The following ATP6V1D variants were observed in gnomAD, a reference collection of about 807,000 sequenced individuals.
The protein encoded by ATP6V1D is ATPase H+ transporting V1 subunit D, also known as V-type proton ATPase subunit D.
A neutral mutation model predicts 39.4 loss-of-function variants in ATP6V1D; 20 were observed. That is an observed-to-expected ratio of 0.51 (90% CI 0.36 to 0.74). The LOEUF is 0.74. Ranked by LOEUF, ATP6V1D falls within the 30% of genes least tolerant of loss-of-function variation. ATP6V1D has a pLI of 0.00. For synonymous variants in ATP6V1D, 100 were observed against 100.5 expected (o/e 0.99, Z 0.03); for missense variants, 228 against 291.6 (o/e 0.78, Z 1.59).
chr14:67,355,615 C>G (rs1173341206), intron 1 of ATP6V1D, among the ~76,000 whole-genome samples: 1 of 152,028 alleles, frequency 6.6e-6, no homozygotes. Context: ...GAGACTAGAA[C>G]AGCCAAAGGA....
At chr14:67,355,758 T>A (rs1013344791) in intron 1 of ATP6V1D, among the ~76,000 whole-genome samples, 1 of 151,658 alleles carries the variant, frequency 6.6e-6, no homozygotes, top group Non-Finnish European at 1.5e-5. Flanking sequence ...ATCAGCACTT[T>A]GGGAGGCTAA....
At chr14:67,352,473 T>C (rs1409108005) in intron 2 of ATP6V1D, among the ~76,000 whole-genome samples, 2 of 149,874 alleles carry the variant, frequency 1.3e-5, no homozygotes, top group Non-Finnish European at 3.0e-5. Context: ...TGTCATACCA[T>C]GCGGTAGTAC....
chr14:67,346,607 G>A (rs1294256161), intron 5 of ATP6V1D, among the ~76,000 whole-genome samples: 1 of 152,170 alleles, frequency 6.6e-6, no homozygotes, highest in Non-Finnish European at 1.5e-5. Flanking sequence ...GAGCCACTGT[G>A]CCTGGCCAAG....
chr14:67,356,883 G>C (rs1341898118), intron 1 of ATP6V1D, among the ~76,000 whole-genome samples: 4 of 152,178 alleles, frequency 2.6e-5, no homozygotes, highest in African/African-American at 9.7e-5. Context: ...GTAAATACTA[G>C]AACTTGGGCT....
chr14:67,351,026 C>A (rs192869397), intron 2 of ATP6V1D, among the ~76,000 whole-genome samples: 2 of 152,136 alleles, frequency 1.3e-5, no homozygotes, highest in Non-Finnish European at 2.9e-5. Context: ...AGTCAAAACC[C>A]TAATGGTGTA....
intron 3 of ATP6V1D, 44 bp from the exon 4 acceptor site, chr14:67,349,148 A>C: frequency 6.3e-7 from 1 of 1,576,356 alleles, no homozygotes; most frequent in Non-Finnish European, 8.7e-7. Context: ...CTCTTCAGAA[A>C]TAAACCTACA....
At chr14:67,341,547 G>A (rs1286157057) in intron 7 of ATP6V1D, among the ~76,000 whole-genome samples, 8 of 151,126 alleles carry the variant, frequency 5.3e-5, no homozygotes, top group South Asian at 2.1e-4. Context: ...CAGCCGCCCC[G>A]TCCGGGAGGG....
chr14:67,342,205 TAAATAAATA>T (rs1226587638), intron 7 of ATP6V1D, among the ~76,000 whole-genome samples: 2 of 140,788 alleles, frequency 1.4e-5, no homozygotes, highest in Admixed American at 7.2e-5. Flanking sequence ...AATAAATAAA[TAAATAAATA>T]AAATAAAATA....
intron 7 of ATP6V1D, among the ~76,000 whole-genome samples, chr14:67,340,809 G>C (rs370064853): frequency 6.6e-6 from 1 of 151,840 alleles, no homozygotes; most frequent in Non-Finnish European, 1.5e-5. Context: ...GAGTGCCTGC[G>C]ATTGCAGGCG....
intron 3 of ATP6V1D, 128 bp from the exon 4 acceptor site, chr14:67,349,232 T>C: frequency 1.1e-6 from 1 of 918,266 alleles, no homozygotes. Context: ...TTTTGATAAC[T>C]GTCCTTTTTC....
At chr14:67,348,247 T>C (rs1035285547) in intron 4 of ATP6V1D, among the ~76,000 whole-genome samples, 2 of 151,830 alleles carry the variant, frequency 1.3e-5, no homozygotes, top group African/African-American at 4.8e-5. Flanking sequence ...GCTTATTTTG[T>C]ATTTTTAGTA....
chr14:67,350,973 T>C (rs930376414), intron 2 of ATP6V1D, among the ~76,000 whole-genome samples: 1 of 152,220 alleles, frequency 6.6e-6, no homozygotes, highest in African/African-American at 2.4e-5. Flanking sequence ...AATGGGTACA[T>C]GCTGATTTAC....
chr14:67,355,247 C>A (rs976365400), intron 1 of ATP6V1D, among the ~76,000 whole-genome samples: 2 of 151,638 alleles, frequency 1.3e-5, no homozygotes, highest in Non-Finnish European at 2.9e-5. Context: ...AAATGACATA[C>A]GTAAGATTCC....
Position 67,341,253 on chromosome 14 carries a change from C to T in ATP6V1D, c.524-735G>A, listed in dbSNP as rs1303141770. On this transcript the variant is annotated intron_variant, in intron 7 of 8. Transcript: ENST00000216442. The stretch of plus-strand genomic sequence containing the variant: ...GGAGCGTCTCTGCCCGGCCGCCCAT[C>T]GTCTGAGATGTGGGGAGCGCCTCTG... Among the ~76,000 whole-genome samples, 6 of 151,832 alleles carry T rather than the reference C, an allele frequency of 4.0e-5. No homozygotes were observed. In the South Asian group the frequency reaches 6.2e-4, roughly 16 times the overall value.
At chr14:67,339,011 T>A (rs1195078101) in intron 8 of ATP6V1D, among the ~76,000 whole-genome samples, 4 of 146,198 alleles carry the variant, frequency 2.7e-5, no homozygotes, top group African/African-American at 1.0e-4. Context: ...TTTTTTTTTT[T>A]GAGATGGAGT....
chr14:67,355,742 T>C (rs8007696), intron 1 of ATP6V1D, among the ~76,000 whole-genome samples: 47,262 of 151,726 alleles, frequency 0.31, 11,263 homozygotes, highest in African/African-American at 0.64. Context: ...GTGGCTTATG[T>C]CTATAATCAG....
At chr14:67,345,074 T>A (rs1012334174) in intron 6 of ATP6V1D, among the ~76,000 whole-genome samples, 4 of 151,542 alleles carry the variant, frequency 2.6e-5, no homozygotes, top group African/African-American at 9.7e-5. Context: ...AAACCCCACC[T>A]CTACAAAAAA....
At chr14:67,343,347 G>GCACCTCA (rs780498995) in intron 7 of ATP6V1D, 25 bp downstream of exon 7, 1 of 1,578,642 alleles carries the variant, frequency 6.3e-7, no homozygotes, top group African/African-American at 1.3e-5. Context: ...AAGTGACAAA[G>GCACCTCA]CACCTCACAG....
intron 6 of ATP6V1D, 112 bp downstream of exon 6, chr14:67,345,655 TG>T: frequency 1.5e-6 from 1 of 647,302 alleles, no homozygotes. Flanking sequence ...CATAGGATCA[TG>T]GGAACAGTTA....
Sources: allele counts gnomAD v4.1 joint callset (sites outside exome capture counted in the v4.1 genomes callset), GRCh38; gene constraint gnomAD v4.1.1; transcripts MANE v1.5; gene names NCBI Gene and HGNC (gene_info 2026-07-23, HGNC 2026-07-21).